OPCML: variants seen among roughly 807,000 people sequenced by gnomAD.
OPCML encodes opioid-binding protein/cell adhesion molecule.
In OPCML, 13 loss-of-function variants were observed where a neutral mutation model predicts 37.8. That is an observed-to-expected ratio of 0.34 (90% CI 0.22 to 0.55). The LOEUF (loss-of-function observed/expected upper bound fraction) is 0.55, where lower values mean the gene tolerates loss of function less well. OPCML is among the 20% of genes least tolerant of loss of function. OPCML has a pLI of 0.91. For missense variants in OPCML, 341 were observed against 435.6 expected, an observed-to-expected ratio of 0.78 and a Z score of 1.93; for synonymous variants, 176 against 168.8, an observed-to-expected ratio of 1.04 and a Z score of -0.33.
At chr11:132,954,613 C>A (rs1027245596) in intron 1 of OPCML, among the ~76,000 whole-genome samples, 3 of 152,098 alleles carry the variant, frequency 2.0e-5, no homozygotes, top group African/African-American at 7.2e-5. Flanking sequence ...GTGAAACATC[C>A]AAGTAAAACT....
At chr11:132,862,846 C>A (rs1433721565) in intron 2 of OPCML, among the ~76,000 whole-genome samples, 1 of 152,180 alleles carries the variant, frequency 6.6e-6, no homozygotes, top group African/African-American at 2.4e-5. Flanking sequence ...TCCTTACACA[C>A]AAGTGAGACC....
At chr11:132,999,162 C>A (rs143891504) in intron 1 of OPCML, among the ~76,000 whole-genome samples, 65 of 152,296 alleles carry the variant, frequency 4.3e-4, no homozygotes, top group African/African-American at 1.5e-3. Context: ...CTGGCAGGAG[C>A]TCTTCTCAGC....
At chr11:133,041,005 A>G (rs1235568810) in intron 1 of OPCML, among the ~76,000 whole-genome samples, 2 of 152,212 alleles carry the variant, frequency 1.3e-5, no homozygotes, top group African/African-American at 2.4e-5. Context: ...CGGACTATAA[A>G]AGGCTGAGAA....
chr11:132,865,366 A>T (rs1216461453), intron 2 of OPCML, among the ~76,000 whole-genome samples: 3 of 152,188 alleles, frequency 2.0e-5, no homozygotes, highest in African/African-American at 7.2e-5. Flanking sequence ...ATTTTTGCTT[A>T]GGAGGCATTT....
At chr11:132,506,246 T>C (rs1038143256) in intron 4 of OPCML, among the ~76,000 whole-genome samples, 6 of 152,232 alleles carry the variant, frequency 3.9e-5, no homozygotes, top group African/African-American at 9.6e-5. Context: ...GTCTGTGTTA[T>C]GATTGTATCT....
At chr11:133,316,219 T>C (rs1444343508) in intron 1 of OPCML, among the ~76,000 whole-genome samples, 3 of 152,030 alleles carry the variant, frequency 2.0e-5, no homozygotes, top group Admixed American at 6.6e-5. Context: ...ACTGAGGTGG[T>C]TGAAGCAGAA....
At chr11:133,003,491 C>T (rs1056722899) in intron 1 of OPCML, among the ~76,000 whole-genome samples, 8 of 152,290 alleles carry the variant, frequency 5.3e-5, no homozygotes, top group African/African-American at 1.9e-4. Flanking sequence ...TTAGGGCCCA[C>T]TCAGATAATC....
intron 2 of OPCML, among the ~76,000 whole-genome samples, chr11:132,688,215 C>CA (rs1943247217): frequency 6.6e-6 from 1 of 150,678 alleles, no homozygotes; most frequent in South Asian, 2.1e-4. Flanking sequence ...TAAAAACAAA[C>CA]AAAAAACCCA....
intron 2 of OPCML, among the ~76,000 whole-genome samples, chr11:132,789,211 G>T (rs1478393233): frequency 2.0e-5 from 3 of 152,158 alleles, no homozygotes; most frequent in Non-Finnish European, 4.4e-5. Context: ...CCCACATAAT[G>T]TCTGTGTATG....
intron 2 of OPCML, among the ~76,000 whole-genome samples, chr11:132,868,826 ATTGTTT>A (rs1167261786): frequency 1.3e-5 from 2 of 152,096 alleles, no homozygotes; most frequent in Admixed American, 1.3e-4. Flanking sequence ...TTCTCTGAGA[ATTGTTT>A]GACTTTGAGG....
At chr11:133,162,714 C>G (rs117271956) in intron 1 of OPCML, among the ~76,000 whole-genome samples, 1,822 of 150,120 alleles carry the variant, frequency 0.012, 20 homozygotes, top group African/African-American at 0.029. Flanking sequence ...TTTGTGTCAG[C>G]CGGAAAGATA....
At chr11:133,148,765 AG>A (rs1343227915) in intron 1 of OPCML, among the ~76,000 whole-genome samples, 2 of 152,188 alleles carry the variant, frequency 1.3e-5, no homozygotes, top group Admixed American at 1.3e-4. Context: ...TGAGCTGTCC[AG>A]GATCAGAGAG....
Position 132,583,810 on chromosome 11 carries a change from C to T in OPCML, c.380-54624G>A, listed in dbSNP as rs900014011. On this transcript the variant is annotated intron_variant, in intron 3 of 7. Coordinates refer to ENST00000524381, the MANE Select transcript of OPCML (RefSeq NM_001012393.5). ...TGTGTTTTTAGTAGAGATGGAGTTT[C>T]CCCATGTTGGTCAGGCTGGTCTCAA... is the stretch of plus-strand genomic sequence containing the variant. 4.7e-4 allele frequency among the ~76,000 whole-genome samples: 71 copies of T among 151,918 alleles called. 1 individual carries two copies. The highest frequency in any genetic ancestry group is 1.6e-3 in the African/African-American group (67 of 41,426).
intron 3 of OPCML, among the ~76,000 whole-genome samples, chr11:132,567,747 T>C (rs1221985050): frequency 1.3e-5 from 2 of 152,218 alleles, no homozygotes; most frequent in Non-Finnish European, 2.9e-5. Flanking sequence ...GTAGATTCTA[T>C]CTGATCTATC....
chr11:132,657,346 G>T (rs766831164), intron 2 of OPCML, 27 bp from the exon 3 acceptor site: 289 of 1,611,178 alleles, frequency 1.8e-4, no homozygotes, highest in South Asian at 3.7e-4. Flanking sequence ...AGTGGTGGAG[G>T]GAGGAAGAAG....
intron 2 of OPCML, among the ~76,000 whole-genome samples, chr11:132,818,616 A>AGATAGATAGATAGATAGATAGATAGAT (rs1555193683): frequency 7.3e-6 from 1 of 137,674 alleles, no homozygotes; most frequent in African/African-American, 2.7e-5. Flanking sequence ...GATGATAGAT[A>AGATAGATAGATAGATAGATAGATAGAT]GATAGATAAA....
chr11:133,057,622 T>A (rs556176794), intron 1 of OPCML, among the ~76,000 whole-genome samples: 43 of 152,196 alleles, frequency 2.8e-4, no homozygotes, highest in Non-Finnish European at 4.9e-4. Context: ...CCTGCCCCTG[T>A]CCCTAGCAAC....
chr11:132,986,991 G>A (rs558793133), intron 1 of OPCML, among the ~76,000 whole-genome samples: 59 of 152,308 alleles, frequency 3.9e-4, no homozygotes, highest in Non-Finnish European at 6.3e-4. Flanking sequence ...GAGACGATGC[G>A]AATGTGGGAG....
intron 1 of OPCML, among the ~76,000 whole-genome samples, chr11:133,294,310 G>T (rs1031721658): frequency 6.6e-6 from 1 of 152,144 alleles, no homozygotes; most frequent in African/African-American, 2.4e-5. Context: ...CCTGGTGCTT[G>T]AGATCAGGGG....
Sources: gnomAD v4.1 joint callset for allele counts (sites outside exome capture counted in the v4.1 genomes callset) on GRCh38, gnomAD v4.1.1 for gene constraint, MANE v1.5 for transcripts, NCBI Gene and HGNC (gene_info 2026-07-23, HGNC 2026-07-21) for gene names.